TRMT11: variants seen among roughly 807,000 people sequenced by gnomAD.
TRMT11 encodes the protein tRNA (guanine(10)-N(2))-methyltransferase TRMT11.
Under a neutral mutation model 62.8 loss-of-function variants are expected in TRMT11, and 53 were observed. The ratio of observed to expected loss-of-function variants is 0.84; its 90% CI spans 0.68 to 1.06. The LOEUF (loss-of-function observed/expected upper bound fraction) is 1.06. TRMT11 is among the 50% of genes least tolerant of loss of function. The pLI is 0.00. For missense variants in TRMT11, 556 were observed against 553.4 expected (o/e 1.00, Z -0.05); for synonymous variants, 188 against 190.3 (o/e 0.99, Z 0.10).
In TRMT11 at chr6:126,021,371, T is replaced by C. The variant is rs890170867; in HGVS notation, c.1260+91T>C. On this transcript the variant is annotated intron_variant, in intron 12 of 12. Transcript: ENST00000334379. The stretch of plus-strand genomic sequence containing the variant: ...TTTCCTGTGATAGAGTTTGGAAATG[T>C]TATTCCTTGATATTTTAAAAATTAC... The C allele has an allele frequency of 1.8e-5, 26 of 1,432,632 alleles. No homozygotes were observed. In the African/African-American group the frequency reaches 2.0e-4, roughly 11 times the overall value. The allele number at this position is 1,432,632 out of a possible 1,614,324, so 88.7% of individuals were successfully genotyped here.
chr6:126,141,614 A>G (rs575880711), intron 21 of TRMT11, among the ~76,000 whole-genome samples: 104 of 152,228 alleles, frequency 6.8e-4, no homozygotes, highest in African/African-American at 2.5e-3. Context: ...AACCTGAACT[A>G]TATATTCTGT....
At chr6:126,233,093 C>T in the TRMT11 span, among the ~76,000 whole-genome samples, 7 of 152,080 alleles carry the variant, frequency 4.6e-5, no homozygotes, top group Admixed American at 2.0e-4. Context: ...ATAGAACGTA[C>T]GTTTTGAACA....
chr6:126,093,268 A>G (rs1350485340), intron 17 of TRMT11, among the ~76,000 whole-genome samples: 1 of 152,004 alleles, frequency 6.6e-6, no homozygotes, highest in African/African-American at 2.4e-5. Flanking sequence ...TAACTCTATC[A>G]CATTGCTTAA....
intron 21 of TRMT11, among the ~76,000 whole-genome samples, chr6:126,151,828 TTC>T (rs1778049097): frequency 2.1e-5 from 3 of 140,976 alleles, no homozygotes; most frequent in Non-Finnish European, 3.1e-5. Context: ...CTTTCTTTCT[TTC>T]TTTCTTTCTT....
rs1335951660 is a variant in TRMT11, at chr6:126,009,510, T to G, written c.760+1038T>G. 2.6e-5 allele frequency: 4 copies of G among 152,156 alleles called. No homozygotes were observed. The East Asian group carries it at 7.7e-4, about 29-fold the overall frequency. 9.4% of individuals were successfully genotyped at this position (152,156 alleles called of 1,614,324 possible). On this transcript the variant is annotated intron_variant, in intron 8 of 12. Transcript: ENST00000334379. ...TTGGTATTCATTATAATAACTGGGA[T>G]CAGCCCTTATAATACTCTTTTCCTT... is the stretch of plus-strand genomic sequence containing the variant.
chr6:126,102,129 C>A (rs1777408405), intron 17 of TRMT11, among the ~76,000 whole-genome samples: 1 of 152,132 alleles, frequency 6.6e-6, no homozygotes, highest in African/African-American at 2.4e-5. Context: ...ATGAATGGGA[C>A]CTCCTCAGGT....
the TRMT11 span, among the ~76,000 whole-genome samples, chr6:126,264,557 G>A: frequency 6.6e-6 from 1 of 152,288 alleles, no homozygotes; most frequent in African/African-American, 2.4e-5. Flanking sequence ...ATTTGGTCAA[G>A]CATTATTCTG....
chr6:126,000,579 C>G (rs1321926387), intron 7 of TRMT11, among the ~76,000 whole-genome samples: 2 of 152,126 alleles, frequency 1.3e-5, no homozygotes, highest in African/African-American at 4.8e-5. Context: ...CAAACTCAAG[C>G]AGTCCAACTC....
At chr6:126,044,690 G>T (rs185533543) in intron 16 of TRMT11, among the ~76,000 whole-genome samples, 7 of 152,270 alleles carry the variant, frequency 4.6e-5, no homozygotes, top group Non-Finnish European at 8.8e-5. Context: ...TGGAGCAGAG[G>T]TTTAAGTCTG....
intron 17 of TRMT11, among the ~76,000 whole-genome samples, chr6:126,075,515 G>A (rs544949843): frequency 5.3e-5 from 8 of 151,928 alleles, no homozygotes; most frequent in East Asian, 2.0e-4. Context: ...CTCCAGCCAC[G>A]TGGTGCTTGC....
chr6:126,033,367 T>C (rs1434809950), intron 12 of TRMT11, among the ~76,000 whole-genome samples: 24 of 152,160 alleles, frequency 1.6e-4, no homozygotes, highest in Admixed American at 1.6e-3. Context: ...CCCCATTAGA[T>C]TAAAATTTAT....
the TRMT11 span, among the ~76,000 whole-genome samples, chr6:126,218,316 G>A: frequency 9.2e-5 from 14 of 152,166 alleles, no homozygotes; most frequent in Admixed American, 3.3e-4. Context: ...ACACAGCTGG[G>A]TATGTGCTGG....
chr6:126,050,438 C>T (rs1370061784), intron 16 of TRMT11, among the ~76,000 whole-genome samples: 7 of 151,972 alleles, frequency 4.6e-5, no homozygotes, highest in South Asian at 2.1e-4. Flanking sequence ...TGCAGTGGCT[C>T]ACGCCTGTAT....
intron 1 of TRMT11, among the ~76,000 whole-genome samples, chr6:126,191,470 T>A (rs1158262744): frequency 6.7e-6 from 1 of 150,114 alleles, no homozygotes; most frequent in Non-Finnish European, 1.5e-5. Context: ...TTGTCTTTTT[T>A]TTTTTTTTTT....
At chr6:126,206,923 T>C (rs920657698), downstream of TRMT11, among the ~76,000 whole-genome samples, 3 of 152,234 alleles carry the variant, frequency 2.0e-5, no homozygotes, top group African/African-American at 7.2e-5. Flanking sequence ...AAGCAGTATC[T>C]TTTAGCCAAG....
At chr6:126,259,171 G>T in the TRMT11 span, among the ~76,000 whole-genome samples, 2 of 152,096 alleles carry the variant, frequency 1.3e-5, no homozygotes, top group African/African-American at 4.8e-5. Context: ...TTTTATGGCT[G>T]CATAGTATTC....
Position 126,067,450 on chromosome 6 carries a change from A to T in TRMT11, c.*1437+14260A>T, listed in dbSNP as rs569133952. On this transcript the variant is annotated intron_variant and NMD_transcript_variant, in intron 17 of 22. Coordinates refer to the TRMT11 transcript ENST00000648977. The stretch of plus-strand genomic sequence containing the variant: ...AAGATGGCATCTTCAAACAGAGTTT[A>T]GCTGCTTATTTTGCTCAACAGTTTT... Among the ~76,000 whole-genome samples, 17 of 152,346 alleles carry T rather than the reference A, an allele frequency of 1.1e-4. No individual in the cohort carries two copies. The South Asian group carries it at 3.5e-3, about 32-fold the overall frequency.
chr6:126,153,156 A>G (rs1334095326), intron 21 of TRMT11, among the ~76,000 whole-genome samples: 1 of 152,226 alleles, frequency 6.6e-6, no homozygotes, highest in Admixed American at 6.5e-5. Context: ...TCATTCCAGG[A>G]TGAAAGTTCA....
chr6:126,021,407 AG>A, intron 12 of TRMT11, 127 bp downstream of exon 12: 1 of 1,148,516 alleles, frequency 8.7e-7, no homozygotes, highest in Non-Finnish European at 1.2e-6. Context: ...AGATCAATTT[AG>A]GAAGAGGCAG....
Sources: allele counts gnomAD v4.1 joint callset (sites outside exome capture counted in the v4.1 genomes callset), GRCh38; gene constraint gnomAD v4.1.1; transcripts MANE v1.5; gene names NCBI Gene and HGNC (gene_info 2026-07-23, HGNC 2026-07-21).